Variants in SVOPL observed in about 807,000 individuals in gnomAD.
SVOPL encodes putative transporter SVOPL.
SVOPL carries 60 observed loss-of-function variants against 61.0 expected under a neutral mutation model. That is an observed-to-expected ratio of 0.98 (90% CI 0.80 to 1.22). The LOEUF (loss-of-function observed/expected upper bound fraction) is 1.22. SVOPL is among the 50% of genes most tolerant of loss of function. The pLI is 0.00. For missense variants in SVOPL, 662 were observed against 643.9 expected (o/e 1.03, Z -0.30); for synonymous variants, 279 against 250.0 (o/e 1.12, Z -1.09).
chr7:138,660,793 A>C lies in SVOPL; in HGVS notation c.346-805T>G. ...AAAAATTATACCAATAGGGTTTAAT[A>C]ATATTATATAATAATAATGATATAT... On this transcript the variant is annotated intron_variant, in intron 5 of 15. Transcript: ENST00000674285. 3.1e-6 allele frequency: 3 copies of C among 977,678 alleles called. No homozygotes were observed. In the South Asian group the frequency reaches 1.4e-4, roughly 46 times the overall value. 60.6% of individuals were successfully genotyped at this position (977,678 alleles called of 1,614,324 possible).
At chr7:138,644,102 G>A (rs1800970447) in intron 9 of SVOPL, among the ~76,000 whole-genome samples, 2 of 146,038 alleles carry the variant, frequency 1.4e-5, no homozygotes, top group Admixed American at 7.3e-5. Flanking sequence ...TCGGGAGGCT[G>A]ACACAGGAGA....
At chr7:138,605,854 T>C (rs1297406928) in intron 14 of SVOPL, among the ~76,000 whole-genome samples, 3 of 152,190 alleles carry the variant, frequency 2.0e-5, no homozygotes, top group African/African-American at 7.2e-5. Flanking sequence ...GGTCCAGGGC[T>C]CTCCCTCCCC....
rs146627246 is a variant in SVOPL at position 138,644,842 on chromosome 7, T to A, written c.664A>T (p.Ile222Phe). ...GIILIVAFKF[I>F]PESARFNVST... ...ACATTGAACCGGGCAGATTCAGGAA[T>A]AAACTGGGTAGAGATTACAAAGAAC... is the stretch of plus-strand genomic sequence containing the variant. The change falls in exon 9 of 16, where the codon ATT becomes TTT. Residue 222 changes from isoleucine (I) to phenylalanine (F), a missense_variant. Transcript: ENST00000674285. 2 of 1,614,106 alleles carry A rather than the reference T, an allele frequency of 1.2e-6. No homozygotes were observed. The highest frequency in any genetic ancestry group is 1.7e-6 in the Non-Finnish European group (2 of 1,180,006).
Position 138,659,870 on chromosome 7 carries a change from G to T in SVOPL, c.464C>A (p.Ser155Ter). ...CCCTGGGTAACATATTTACCCTTGC[G>T]AGTGGCCGGACACACCACAGCCCAC... is the stretch of plus-strand genomic sequence containing the variant. ...TMVGCGVSGH[S>*]QGLIIKTEFL... The change falls in exon 6 of 16, where the codon TCG (serine) becomes TAG (stop). Residue 155 changes from serine (S) to a stop codon, truncating the protein, a stop_gained. Coordinates refer to ENST00000674285, the MANE Select transcript of SVOPL (RefSeq NM_001139456.2). LOFTEE classifies it high-confidence loss of function. 6.4e-7 allele frequency: 1 copy of T among 1,551,480 alleles called. No homozygotes were observed. Among genetic ancestry groups the T allele is most frequent in the South Asian group, 1.2e-5 (1 of 84,042 alleles).
chr7:138,600,135 TATG>T (rs998760658), intron 14 of SVOPL, among the ~76,000 whole-genome samples: 18 of 152,136 alleles, frequency 1.2e-4, no homozygotes, highest in African/African-American at 3.9e-4. Flanking sequence ...ACATCTGTAG[TATG>T]ATGATACATG....
chr7:138,687,228 C>CTTTTTTTTTTTTTTTTTTTT (rs71179722), intron 1 of SVOPL, among the ~76,000 whole-genome samples: 1 of 77,042 alleles, frequency 1.3e-5, no homozygotes, highest in Non-Finnish European at 2.3e-5. Context: ...CTTTTTTCCT[C>CTTTTTTTTTTTTTTTTTTTT]TTTTTTTTTT....
intron 1 of SVOPL, among the ~76,000 whole-genome samples, chr7:138,685,697 T>G (rs551310938): frequency 2.6e-5 from 4 of 151,768 alleles, no homozygotes; most frequent in African/African-American, 4.8e-5. Context: ...CCATATCTAC[T>G]AAAAATACAA....
chr7:138,621,029 A>G lies in SVOPL; in HGVS notation c.1353+17T>C. On this transcript the variant is annotated intron_variant, in intron 14 of 15. Transcript: ENST00000674285. ...TCTCTCAGACTCTCTCTCTCCCTGC[A>G]GGGTCCTTGGCTGTACCTGGGATAT... 6.2e-7 allele frequency: 1 copy of G among 1,610,960 alleles called. No individual in the cohort carries two copies. The highest frequency in any genetic ancestry group is 1.7e-5 in the Admixed American group (1 of 59,828).
intron 8 of SVOPL, among the ~76,000 whole-genome samples, chr7:138,647,643 G>A (rs544089719): frequency 1.1e-3 from 163 of 151,980 alleles, no homozygotes; most frequent in African/African-American, 3.6e-3. Context: ...TAAGTCAGGA[G>A]TTCAAGACCA....
At chr7:138,648,959 C>T (rs1801278585) in intron 8 of SVOPL, 53 bp downstream of exon 8, 2 of 1,609,800 alleles carry the variant, frequency 1.2e-6, no homozygotes, top group Admixed American at 3.4e-5. Flanking sequence ...GGCATGAAGG[C>T]CACTGGACCA....
At chr7:138,700,679 A>AGGCTGGAT (rs1803174878) in intron 1 of SVOPL, among the ~76,000 whole-genome samples, 1 of 148,822 alleles carries the variant, frequency 6.7e-6, no homozygotes, top group Admixed American at 6.8e-5. Context: ...ACCCAGTAAG[A>AGGCTGGAT]GGATGGATGG....
chr7:138,658,268 G>C (rs149221707), intron 6 of SVOPL, among the ~76,000 whole-genome samples: 1 of 152,012 alleles, frequency 6.6e-6, no homozygotes, highest in Admixed American at 6.6e-5. Context: ...ACTCTAGTTC[G>C]ATCCCATCTG....
intron 8 of SVOPL, chr7:138,646,131 AT>A: frequency 1.5e-5 from 3 of 202,556 alleles, no homozygotes; most frequent in East Asian, 1.6e-4. Flanking sequence ...TTTTCTGATC[AT>A]TTTCTGCACG....
Position 138,700,555 on chromosome 7 carries a change from G to T in SVOPL, c.-35+623C>A, listed in dbSNP as rs909870898. ...GGGGTTTCACCATCTTGGTCAGGCT[G>T]GTCTTGAACTCCTGACCTTGTGATC... On this transcript the variant is annotated intron_variant, in intron 1 of 15. Transcript: ENST00000674285. 2.6e-5 allele frequency among the ~76,000 whole-genome samples: 4 copies of T among 152,024 alleles called. No homozygotes were observed. In the East Asian group the frequency reaches 7.7e-4, roughly 29 times the overall value.
chr7:138,669,838 G>C (rs1206813529), intron 4 of SVOPL, among the ~76,000 whole-genome samples: 1 of 152,096 alleles, frequency 6.6e-6, no homozygotes, highest in Non-Finnish European at 1.5e-5. Context: ...TTTTCCCCAT[G>C]AATCTACCTT....
In SVOPL at chr7:138,630,194, G is replaced by C. The variant is rs765800413; in HGVS notation, c.790-72C>G. ...GAACGGAGATGTTTCCACTGTTTTC[G>C]ATCATAGAAGATGAGAATCATATTG... On this transcript the variant is annotated intron_variant, in intron 9 of 15. Transcript: ENST00000674285. 5.5e-6 allele frequency: 7 copies of C among 1,262,352 alleles called. No individual in the cohort carries two copies. The Admixed American group carries it at 6.9e-5, about 12-fold the overall frequency. The allele number at this position is 1,262,352 out of a possible 1,614,324, so 78.2% of individuals were successfully genotyped here. A position where few individuals can be genotyped will look rare whatever the true frequency, so the allele number is the denominator to read the frequency against.
chr7:138,653,523 C>T (rs949008839), intron 7 of SVOPL, among the ~76,000 whole-genome samples: 2 of 152,250 alleles, frequency 1.3e-5, no homozygotes, highest in African/African-American at 2.4e-5. Context: ...CTCTTGGGGC[C>T]GTGCACAGTG....
At chr7:138,616,268 G>T (rs919994804) in intron 14 of SVOPL, among the ~76,000 whole-genome samples, 12 of 152,198 alleles carry the variant, frequency 7.9e-5, no homozygotes, top group African/African-American at 2.7e-4. Flanking sequence ...CAGAATAAGT[G>T]CGGAGGCAGC....
chr7:138,596,725 A>G, intron 14 of SVOPL, 195 bp from the exon 15 acceptor site: 1 of 1,290,066 alleles, frequency 7.8e-7, no homozygotes, highest in Non-Finnish European at 9.9e-7. Context: ...GTCCAAGAAC[A>G]GGAACTGGTA....
Sources: gnomAD v4.1 joint callset for allele counts (sites outside exome capture counted in the v4.1 genomes callset) on GRCh38, gnomAD v4.1.1 for gene constraint, MANE v1.5 for transcripts, NCBI Gene and HGNC (gene_info 2026-07-23, HGNC 2026-07-21) for gene names.